The following ZNF396 variants were observed in gnomAD, a reference collection of about 807,000 sequenced individuals.
ZNF396 encodes the protein zinc finger protein 396, also known as zinc finger and SCAN domain-containing protein 14.
ZNF396 carries 14 observed loss-of-function variants against 20.5 expected under a neutral mutation model. The observed-to-expected ratio is 0.68, with a 90% CI of 0.45 to 1.07. The LOEUF is 1.07. Among genes scored for constraint, ZNF396 ranks in the 50% least tolerant of loss-of-function variants. The probability of loss-of-function intolerance (pLI) is 0.00; values close to 1 mark genes in which losing one functional copy is unlikely to be tolerated. For synonymous variants in ZNF396, 119 were observed against 140.6 expected (o/e 0.85, Z 1.08); for missense variants, 347 against 390.1 (o/e 0.89, Z 0.93).
chr18:35,368,781 T>C lies in ZNF396; in HGVS notation c.*434A>G, dbSNP rs2045131574. 3.0e-6 allele frequency: 3 copies of C among 990,750 alleles called. No individual in the cohort carries two copies. In the South Asian group the frequency reaches 1.4e-4, roughly 46 times the overall value. The allele number at this position is 990,750 out of a possible 1,614,324, so 61.4% of individuals were successfully genotyped here. ...AATTCTTTTTGAGTGCTTTAATTTT[T>C]GGTCTTTAGAATTCTAGTGCTCAAG... On this transcript the variant is annotated 3_prime_UTR_variant, in exon 4 of 4. Transcript: ENST00000589332.
chr18:35,374,035 G>A lies in ZNF396; in HGVS notation c.258C>T (p.His86=), dbSNP rs2045222621. 6.2e-7 allele frequency: 1 copy of A among 1,614,242 alleles called. No individual in the cohort carries two copies. Among genetic ancestry groups the A allele is most frequent in the Non-Finnish European group, 8.5e-7 (1 of 1,180,038 alleles). Residue 86 remains histidine (H), a synonymous_variant, in exon 2 of 4, where the codon CAC becomes CAT. Transcript: ENST00000589332. This position sits in a 1 kb window ranked among gnomAD's most constrained non-coding sequence, Gnocchi z 4.3. ...LCHLWLRPEV[H]TKEQILELLV... ...GCAGCTCCAGGATCTGCTCCTTGGT[G>A]TGCACTTCCGGCCTCAGCCAGAGAT...
At position 35,374,028 on chromosome 18, in the gene ZNF396, C is replaced by T; in HGVS notation, c.265G>A (p.Glu89Lys). ...AGCACCAGCAGCTCCAGGATCTGCT[C>T]CTTGGTGTGCACTTCCGGCCTCAGC... ...LWLRPEVHTK[E>K]QILELLVLEQ... The change falls in exon 2 of 4, where the codon GAG (glutamate) becomes AAG (lysine). Residue 89 changes from glutamate (E) to lysine (K), a missense_variant. By Grantham distance (56) the Glu-to-Lys change is moderately conservative (BLOSUM62 1). Coordinates refer to ENST00000589332, the MANE Select transcript of ZNF396 (RefSeq NM_001322286.2). The surrounding 1 kb of genome is among the most constrained non-coding windows in gnomAD (Gnocchi z 4.3). 4 of 1,614,246 alleles carry T rather than the reference C, an allele frequency of 2.5e-6. No individual in the cohort carries two copies. Among genetic ancestry groups the T allele is most frequent in the Non-Finnish European group, 3.4e-6 (4 of 1,180,038 alleles).
In ZNF396 at chr18:35,374,196, T is replaced by C. The variant is rs1255432859; in HGVS notation, c.97A>G (p.Thr33Ala). The change falls in exon 2 of 4, where the codon ACC (threonine) becomes GCC (alanine). Residue 33 changes from threonine (T) to alanine (A), a missense_variant. Physicochemically the swap from Thr to Ala is moderately conservative, Grantham distance 58 (BLOSUM62 0). Coordinates refer to ENST00000589332, the MANE Select transcript of ZNF396 (RefSeq NM_001322286.2). The surrounding 1 kb of genome is among the most constrained non-coding windows in gnomAD (Gnocchi z 4.3). The part of the protein sequence containing the change: ...LTEKMEEEEQ[T>A]CDPDSSLHWS... The stretch of plus-strand genomic sequence containing the variant: ...TGGAGGCTAGAGTCTGGATCACAGG[T>C]CTGCTCTTCCTCTTCCATCTTCTCT... The C allele has an allele frequency of 6.2e-7, 1 of 1,614,210 alleles. No homozygotes were observed. Among genetic ancestry groups the C allele is most frequent in the South Asian group, 1.1e-5 (1 of 91,084 alleles).
chr18:35,369,146 C>T lies in ZNF396; in HGVS notation c.*69G>A, dbSNP rs1192069829. ...AAGACCACTGATTTGTACTAAGGAG[C>T]GTTTGCATCTGGTGTCTTCCCTTGT... On this transcript the variant is annotated 3_prime_UTR_variant, in exon 4 of 4. Transcript: ENST00000589332. The T allele has an allele frequency of 4.0e-5, 59 of 1,465,206 alleles. No individual in the cohort carries two copies. The highest frequency in any genetic ancestry group is 4.5e-5 in the Non-Finnish European group (50 of 1,110,968). The allele number at this position is 1,465,206 out of a possible 1,614,324, so 90.8% of individuals were successfully genotyped here. A position where few individuals can be genotyped will look rare whatever the true frequency, so the allele number is the denominator to read the frequency against.
At chr18:35,376,462 G>C (rs1044725527) in intron 1 of ZNF396, among the ~76,000 whole-genome samples, 2 of 152,210 alleles carry the variant, frequency 1.3e-5, no homozygotes, top group Admixed American at 6.5e-5. Context: ...CAAAGCTGGG[G>C]TCTGAACCCA....
Position 35,374,176 on chromosome 18 carries a change from G to A in ZNF396, c.117C>T (p.Ser39=). 6.2e-7 allele frequency: 1 copy of A among 1,614,224 alleles called. No individual in the cohort carries two copies. Residue 39 remains serine, a synonymous_variant, in exon 2 of 4, where the codon AGC becomes AGT. Transcript: ENST00000589332. The surrounding 1 kb of genome is among the most constrained non-coding windows in gnomAD (Gnocchi z 4.3). ...GGCTGTAGCTGCTGCTCCAGTGGAG[G>A]CTAGAGTCTGGATCACAGGTCTGCT... ...EEEQTCDPDS[S]LHWSSSYSPE... is the part of the protein sequence containing the mutation.
rs2045105107 is a variant in ZNF396, at chr18:35,366,832, C to T, written c.*2383G>A. On this transcript the variant is annotated 3_prime_UTR_variant, in exon 4 of 4. Coordinates refer to ENST00000589332, the MANE Select transcript of ZNF396 (RefSeq NM_001322286.2). ...TTCACTCATTAGGATACCTACATAA[C>T]TGCAAAATAATTCAAAGTACACAGA... is the stretch of plus-strand genomic sequence containing the variant. The T allele has an allele frequency of 1.3e-5, 2 of 152,198 alleles. No individual in the cohort carries two copies. Among genetic ancestry groups the T allele is most frequent in the Admixed American group, 6.5e-5 (1 of 15,278 alleles). 9.4% of individuals were successfully genotyped at this position (152,198 alleles called of 1,614,324 possible).
intron 3 of ZNF396, among the ~76,000 whole-genome samples, chr18:35,370,425 T>G (rs1323030622): frequency 6.6e-6 from 1 of 151,724 alleles, no homozygotes; most frequent in Non-Finnish European, 1.5e-5. Context: ...CCAGCAGAAC[T>G]GCTAACTCAG....
intron 3 of ZNF396, 107 bp from the exon 4 acceptor site, chr18:35,369,767 G>T: frequency 8.5e-7 from 1 of 1,180,808 alleles, no homozygotes; most frequent in East Asian, 2.5e-5. Context: ...TGTGAAGGAC[G>T]GAGAGTGTAA....
chr18:35,374,223 T>C lies in ZNF396; in HGVS notation c.70A>G (p.Thr24Ala). ...QTSEECNGIL[T>A]EKMEEEEQTC... ...TGCTCTTCCTCTTCCATCTTCTCTG[T>C]CAGAATCCCATTACACTCCTCTGAA... The change falls in exon 2 of 4, where the codon ACA (threonine) becomes GCA (alanine). Residue 24 changes from threonine (T) to alanine (A), a missense_variant. By Grantham distance (58) the Thr-to-Ala change is moderately conservative (BLOSUM62 0). Transcript: ENST00000589332. The surrounding 1 kb of genome is among the most constrained non-coding windows in gnomAD (Gnocchi z 4.3). The C allele has an allele frequency of 6.2e-7, 1 of 1,614,208 alleles. No homozygotes were observed. The highest frequency in any genetic ancestry group is 1.3e-5 in the African/African-American group (1 of 75,048).
chr18:35,371,028 G>T (rs1323173472), intron 3 of ZNF396, among the ~76,000 whole-genome samples: 1 of 152,144 alleles, frequency 6.6e-6, no homozygotes, highest in African/African-American at 2.4e-5. Flanking sequence ...CCCTCTCAAG[G>T]CCTAATGAAA....
In ZNF396 at chr18:35,367,422, T is replaced by C. The variant is rs2045110796; in HGVS notation, c.*1793A>G. 1 of 152,206 alleles carries C rather than the reference T, an allele frequency of 6.6e-6. No homozygotes were observed. Among genetic ancestry groups the C allele is most frequent in the Non-Finnish European group, 1.5e-5 (1 of 68,032 alleles). The allele number at this position is 152,206 out of a possible 1,614,324, so 9.4% of individuals were successfully genotyped here. Reference sequence around the variant, plus strand: ...TTTCTGAGAATGAAATGTTTTATACTTTATGAGGAACCCAACCAGACAAAG... The same window carrying C: ...TTTCTGAGAATGAAATGTTTTATACCTTATGAGGAACCCAACCAGACAAAG... On this transcript the variant is annotated 3_prime_UTR_variant, in exon 4 of 4. Coordinates refer to ENST00000589332, the MANE Select transcript of ZNF396 (RefSeq NM_001322286.2).
At chr18:35,370,534 A>G (rs1276675749) in intron 3 of ZNF396, among the ~76,000 whole-genome samples, 2 of 58,838 alleles carry the variant, frequency 3.4e-5, no homozygotes, top group African/African-American at 5.8e-5. Context: ...TTTTTTTGAG[A>G]CGGAGTCTCG....
Position 35,369,542 on chromosome 18 carries a change from T to C in ZNF396, c.681A>G (p.Thr227=), listed in dbSNP as rs2045144354. Residue 227 remains threonine (T), a synonymous_variant, in exon 4 of 4, where the codon ACA becomes ACG. Transcript: ENST00000589332. The part of the protein sequence containing the change: ...ILHMNGSQSS[T]YRGTYEQDGR... ...CATCTTGTTCATAGGTTCCTCTATA[T>C]GTGGAACTCTGGGAGCCATTCATAT... 1.9e-6 allele frequency: 3 copies of C among 1,614,146 alleles called. No individual in the cohort carries two copies. Among genetic ancestry groups the C allele is most frequent in the Non-Finnish European group, 2.5e-6 (3 of 1,179,960 alleles).
chr18:35,368,152 G>C lies in ZNF396; in HGVS notation c.*1063C>G. The C allele has an allele frequency of 3.3e-6, 1 of 307,458 alleles. No homozygotes were observed. The highest frequency in any genetic ancestry group is 6.0e-6 in the Non-Finnish European group (1 of 167,188). The allele number at this position is 307,458 out of a possible 1,614,324, so 19.0% of individuals were successfully genotyped here. On this transcript the variant is annotated 3_prime_UTR_variant, in exon 4 of 4. Transcript: ENST00000589332. The stretch of plus-strand genomic sequence containing the variant: ...TAAGATGATCATCCATCTTACAGAA[G>C]CACCCATAGATTAATATTGTTATGA...
rs192743555 is a variant in ZNF396, at chr18:35,369,289, A to C, written c.934T>G (p.Cys312Gly). The C allele has an allele frequency of 1.2e-6, 2 of 1,613,962 alleles. No individual in the cohort carries two copies. Among genetic ancestry groups the C allele is most frequent in the African/African-American group, 2.7e-5 (2 of 74,932 alleles). Residue 312 changes from cysteine to glycine, a missense_variant, in exon 4 of 4, where the codon TGT (cysteine) becomes GGT (glycine). By Grantham distance (159) the Cys-to-Gly change is radical. Transcript: ENST00000589332. ...GAGCTCTGACTAAAGGCTTTGCCAC[A>C]GTCATGACACTTGTAGGGCTTCTCA... ...TGEKPYKCHDCGKAFSQSSNL... is the reference protein window; with the variant it reads ...TGEKPYKCHDGGKAFSQSSNL...
rs1022931782 is a variant in ZNF396 at position 35,374,551 on chromosome 18, C to T, written c.-72-187G>A. 6 of 287,460 alleles carry T rather than the reference C, an allele frequency of 2.1e-5. No individual in the cohort carries two copies. The highest frequency in any genetic ancestry group is 1.1e-4 in the African/African-American group (5 of 46,320). 17.8% of individuals were successfully genotyped at this position (287,460 alleles called of 1,614,324 possible). On this transcript the variant is annotated intron_variant, in intron 1 of 3. Transcript: ENST00000589332. The surrounding 1 kb of genome is among the most constrained non-coding windows in gnomAD (Gnocchi z 4.3). ...TTGCTCTGTTGCCCAGGCTGGAGTG[C>T]AATGGTGTGATCTCGGCTCACTGCA...
chr18:35,370,544 G>A (rs1300188005), intron 3 of ZNF396, among the ~76,000 whole-genome samples: 2 of 108,568 alleles, frequency 1.8e-5, no homozygotes, highest in Non-Finnish European at 3.4e-5. Flanking sequence ...ACGGAGTCTC[G>A]CTCTGTCGCC....
rs557226232 is a variant in ZNF396 at position 35,366,767 on chromosome 18, G to T, written c.*2448C>A. ...GCTAATGCTAATTTTTAAAACCAAG[G>T]TTAGCTCAATGAATTCTCCTTTTAT... On this transcript the variant is annotated 3_prime_UTR_variant, in exon 4 of 4. Coordinates refer to ENST00000589332, the MANE Select transcript of ZNF396 (RefSeq NM_001322286.2). 6.6e-6 allele frequency: 1 copy of T among 152,080 alleles called. No homozygotes were observed. Among genetic ancestry groups the T allele is most frequent in the Non-Finnish European group, 1.5e-5 (1 of 68,024 alleles). 9.4% of individuals were successfully genotyped at this position (152,080 alleles called of 1,614,324 possible). A position where few individuals can be genotyped will look rare whatever the true frequency, so the allele number is the denominator to read the frequency against.
Sources: gnomAD v4.1 joint callset for allele counts (sites outside exome capture counted in the v4.1 genomes callset) on GRCh38, gnomAD v4.1.1 for gene constraint, Gnocchi (gnomAD v3.1) non-coding constraint, MANE v1.5 for transcripts, NCBI Gene and HGNC (gene_info 2026-07-23, HGNC 2026-07-21) for gene names.